KPNB1: variants seen among roughly 807,000 people sequenced by gnomAD.
The protein encoded by KPNB1 is karyopherin subunit beta 1.
A neutral mutation model predicts 113.0 loss-of-function variants in KPNB1; 7 were observed. The ratio of observed to expected loss-of-function variants is 0.06; its 90% CI spans 0.04 to 0.12. The LOEUF is 0.12. Among genes scored for constraint, KPNB1 ranks in the 10% least tolerant of loss-of-function variants. The pLI, the probability that KPNB1 is intolerant of heterozygous loss-of-function variation, is 1.00. For synonymous variants in KPNB1, 363 were observed against 378.6 expected, an observed-to-expected ratio of 0.96 and a Z score of 0.48; for missense variants, 400 against 1,054.8, an observed-to-expected ratio of 0.38 and a Z score of 8.60.
rs75547905 is a variant in KPNB1 at position 47,678,075 on chromosome 17, G to A, written c.2133G>A (p.Pro711=). 1.6e-5 allele frequency: 26 copies of A among 1,614,040 alleles called. No homozygotes were observed. In the Admixed American group the frequency reaches 2.8e-4, roughly 18 times the overall value. ...GNENVHRSVK[P]QILSVFGDIA... is the part of the protein sequence containing the mutation. ...AGAACGTCCACAGGTCTGTGAAGCC[G>A]CAGATTCTGTCAGTGTTTGGTGATA... is the stretch of plus-strand genomic sequence containing the variant. The change falls in exon 18 of 22, where the codon CCG becomes CCA. Residue 711 remains proline (P), a synonymous_variant. Coordinates refer to ENST00000290158, the MANE Select transcript of KPNB1 (RefSeq NM_002265.6).
In KPNB1 at chr17:47,670,714, C is replaced by G; in HGVS notation, c.1429C>G (p.Leu477Val). The change falls in exon 12 of 22, where the codon CTG (leucine) becomes GTG (valine). Residue 477 changes from leucine (L) to valine (V), a missense_variant. Physicochemically the swap from Leu to Val is conservative, Grantham distance 32. Transcript: ENST00000290158. ...ASNVCWAFSSLAEAAYEAADV... is the reference protein window; with the variant it reads ...ASNVCWAFSSVAEAAYEAADV... ...ATGTGCATTTCAGGCTTTCTCCAGTCTGGCTGAAGCTGCTTATGAAGCTGC... is the reference window on the plus strand; with the variant it reads ...ATGTGCATTTCAGGCTTTCTCCAGTGTGGCTGAAGCTGCTTATGAAGCTGC... 6.2e-7 allele frequency: 1 copy of G among 1,610,208 alleles called. No individual in the cohort carries two copies. The highest frequency in any genetic ancestry group is 8.5e-7 in the Non-Finnish European group (1 of 1,176,770).
intron 21 of KPNB1, 76 bp downstream of exon 21, chr17:47,680,745 G>A (rs1369279004): frequency 1.4e-6 from 2 of 1,408,752 alleles, no homozygotes; most frequent in East Asian, 2.5e-5. Flanking sequence ...GGCCATTCTG[G>A]CAAGCACTGC....
At chr17:47,675,361 G>GTTTTTTTGTTTTTTTTTTTT (rs2030569098) in intron 15 of KPNB1, among the ~76,000 whole-genome samples, 1 of 88,692 alleles carries the variant, frequency 1.1e-5, no homozygotes, top group African/African-American at 4.6e-5. Context: ...CAGAGGTGTT[G>GTTTTTTTGTTTTTTTTTTTT]TTTTTTTTTT....
Position 47,651,388 on chromosome 17 carries a change from T to C in KPNB1, c.99+944T>C, listed in dbSNP as rs544057621. The C allele has an allele frequency of 1.2e-5, 12 of 978,034 alleles. No homozygotes were observed. In the East Asian group the frequency reaches 6.8e-4, roughly 56 times the overall value. The allele number at this position is 978,034 out of a possible 1,614,324, so 60.6% of individuals were successfully genotyped here. A position where few individuals can be genotyped will look rare whatever the true frequency, so the allele number is the denominator to read the frequency against. On this transcript the variant is annotated intron_variant, in intron 2 of 21. Transcript: ENST00000290158. ...CATCTTTGAGAAAGGTAATAGGAAT[T>C]AAGTCTGAGTAACACTAACCATATG...
chr17:47,663,397 CT>C (rs1268266529), intron 7 of KPNB1, among the ~76,000 whole-genome samples: 2 of 152,214 alleles, frequency 1.3e-5, no homozygotes, highest in African/African-American at 4.8e-5. Context: ...GGCCCGGTGG[CT>C]AACGCCTGTA....
intron 2 of KPNB1, among the ~76,000 whole-genome samples, chr17:47,652,362 C>T (rs1044430964): frequency 6.6e-6 from 1 of 152,176 alleles, no homozygotes; most frequent in African/African-American, 2.4e-5. Context: ...AGAAGACTGA[C>T]TACTACTACC....
Position 47,670,836 on chromosome 17 carries a change from A to G in KPNB1, c.1547+4A>G. On this transcript the variant is annotated splice_donor_region_variant and intron_variant, in intron 12 of 21. Coordinates refer to ENST00000290158, the MANE Select transcript of KPNB1 (RefSeq NM_002265.6). ...AGCTCCTAGAGACTACAGACAGGTA[A>G]CTGATATTTCACAGAAATGAGTGAC... The G allele has an allele frequency of 1.9e-6, 3 of 1,593,660 alleles. No homozygotes were observed. The highest frequency in any genetic ancestry group is 1.7e-6 in the Non-Finnish European group (2 of 1,163,862).
intron 15 of KPNB1, among the ~76,000 whole-genome samples, chr17:47,676,203 G>A (rs2030610963): frequency 6.6e-6 from 1 of 152,182 alleles, no homozygotes; most frequent in South Asian, 2.1e-4. Context: ...TCTCTGTGGC[G>A]TATGAATTAG....
chr17:47,655,292 A>G (rs941930430), intron 3 of KPNB1, among the ~76,000 whole-genome samples: 25 of 152,188 alleles, frequency 1.6e-4, no homozygotes, highest in African/African-American at 5.8e-4. Flanking sequence ...TTTACTCTTT[A>G]CATAAATGGT....
At chr17:47,654,479 G>GA (rs1473902695) in intron 3 of KPNB1, among the ~76,000 whole-genome samples, 1 of 150,192 alleles carries the variant, frequency 6.7e-6, no homozygotes, top group Non-Finnish European at 1.5e-5. Context: ...TCGGGCATGA[G>GA]AAAAAAGCTA....
intron 6 of KPNB1, among the ~76,000 whole-genome samples, chr17:47,661,533 T>C (rs899221477): frequency 1.3e-5 from 2 of 151,778 alleles, no homozygotes; most frequent in Non-Finnish European, 2.9e-5. Flanking sequence ...ACCTGGGAGG[T>C]GGAGGTTGCA....
intron 2 of KPNB1, among the ~76,000 whole-genome samples, chr17:47,652,233 A>G (rs1295384648): frequency 6.6e-6 from 1 of 152,178 alleles, no homozygotes; most frequent in Non-Finnish European, 1.5e-5. Flanking sequence ...TTTGGGACCA[A>G]GGTTTTTGAA....
chr17:47,664,060 C>G, intron 7 of KPNB1, 99 bp from the exon 8 acceptor site: 1 of 660,480 alleles, frequency 1.5e-6, no homozygotes, highest in Non-Finnish European at 2.7e-6. Flanking sequence ...TTTATAGTTA[C>G]ATTTCTGAAA....
chr17:47,661,016 C>G, intron 5 of KPNB1, 103 bp from the exon 6 acceptor site: 4 of 830,898 alleles, frequency 4.8e-6, no homozygotes, highest in Non-Finnish European at 6.2e-6. Context: ...CTGTGTGGGG[C>G]CCTGAGGGGG....
intron 5 of KPNB1, among the ~76,000 whole-genome samples, chr17:47,660,180 C>A (rs2030051175): frequency 6.6e-6 from 1 of 152,094 alleles, no homozygotes; most frequent in Non-Finnish European, 1.5e-5. Context: ...TTTTACTACT[C>A]TAACGAAATA....
intron 5 of KPNB1, among the ~76,000 whole-genome samples, chr17:47,659,828 G>A (rs1192757696): frequency 6.6e-6 from 1 of 151,876 alleles, no homozygotes; most frequent in Non-Finnish European, 1.5e-5. Context: ...GATCACTTGA[G>A]CCTGGGAGTT....
chr17:47,650,025 G>T lies in KPNB1; in HGVS notation c.-220G>T, dbSNP rs866053805. 1 of 1,342,446 alleles carries T rather than the reference G, an allele frequency of 7.4e-7. No homozygotes were observed. Among genetic ancestry groups the T allele is most frequent in the Non-Finnish European group, 9.5e-7 (1 of 1,052,110 alleles). 83.2% of individuals were successfully genotyped at this position (1,342,446 alleles called of 1,614,324 possible). A position where few individuals can be genotyped will look rare whatever the true frequency, so the allele number is the denominator to read the frequency against. On this transcript the variant is annotated 5_prime_UTR_variant, in exon 1 of 22. Coordinates refer to ENST00000290158, the MANE Select transcript of KPNB1 (RefSeq NM_002265.6). ...CTGCCCCCAGGGTCCCTCCCCCGCC[G>T]CCAGCAGCCCATTTGGAGGGAGGAA...
chr17:47,672,396 T>C (rs929548732), intron 12 of KPNB1, among the ~76,000 whole-genome samples: 44 of 151,776 alleles, frequency 2.9e-4, no homozygotes, highest in African/African-American at 1.1e-3. Context: ...TGAAGAAAAT[T>C]GGGGTATTTT....
At chr17:47,678,437 T>A in intron 19 of KPNB1, 24 bp downstream of exon 19, 1 of 1,551,954 alleles carries the variant, frequency 6.4e-7, no homozygotes, top group African/African-American at 1.4e-5. Context: ...CCCAGTTCCC[T>A]TCGTCCGCTC....
Sources: allele counts gnomAD v4.1 joint callset (sites outside exome capture counted in the v4.1 genomes callset), GRCh38; gene constraint gnomAD v4.1.1; transcripts MANE v1.5; gene names NCBI Gene and HGNC (gene_info 2026-07-23, HGNC 2026-07-21).